Variants in METTL15 observed in about 807,000 individuals in gnomAD.
The protein encoded by METTL15 is 12S rRNA N(4)-cytidine methyltransferase METTL15.
Under a neutral mutation model 38.3 loss-of-function variants are expected in METTL15, and 34 were observed. The observed-to-expected ratio is 0.89, with a 90% CI of 0.68 to 1.18. The LOEUF is 1.18. Among genes scored for constraint, METTL15 ranks in the 50% most tolerant of loss-of-function variants. The pLI, the probability that METTL15 is intolerant of heterozygous loss-of-function variation, is 0.00. For synonymous variants in METTL15, 162 were observed against 170.9 expected (o/e 0.95, Z 0.41); for missense variants, 438 against 498.4 (o/e 0.88, Z 1.15).
At chr11:28,375,035 A>G (rs1009813742) in intron 5 of METTL15, among the ~76,000 whole-genome samples, 1 of 150,386 alleles carries the variant, frequency 6.6e-6, no homozygotes, top group Admixed American at 6.6e-5. Flanking sequence ...CATGGTGGAT[A>G]AGCTTTTTGA....
intron 3 of METTL15, among the ~76,000 whole-genome samples, chr11:28,131,277 T>A: frequency 6.6e-6 from 1 of 152,166 alleles, no homozygotes; most frequent in East Asian, 1.9e-4. Context: ...TGAAATAAAA[T>A]TGCCATGAGG....
chr11:28,254,176 C>T (rs1304134041), intron 4 of METTL15, among the ~76,000 whole-genome samples: 1 of 152,168 alleles, frequency 6.6e-6, no homozygotes, highest in East Asian at 1.9e-4. Flanking sequence ...ACCATTTCAA[C>T]TGGAGTGAGA....
intron 3 of METTL15, among the ~76,000 whole-genome samples, chr11:28,178,286 A>C (rs1851152084): frequency 6.6e-6 from 1 of 151,970 alleles, no homozygotes; most frequent in African/African-American, 2.4e-5. Context: ...TAAGTAAACA[A>C]AACCTGTTTA....
chr11:28,440,085 A>G (rs1851021151), intron 6 of METTL15, among the ~76,000 whole-genome samples: 1 of 152,180 alleles, frequency 6.6e-6, no homozygotes, highest in South Asian at 2.1e-4. Context: ...AGGAGGGAGT[A>G]CGGCTGTGTT....
intron 6 of METTL15, among the ~76,000 whole-genome samples, chr11:28,453,191 T>C (rs535600294): frequency 6.6e-6 from 1 of 152,342 alleles, no homozygotes; most frequent in South Asian, 2.1e-4. Context: ...ATATTGTGTA[T>C]GTAGCAACTT....
chr11:28,250,844 C>T (rs1465657148), intron 4 of METTL15, among the ~76,000 whole-genome samples: 2 of 152,008 alleles, frequency 1.3e-5, no homozygotes, highest in East Asian at 3.9e-4. Context: ...TTCTGCATCA[C>T]TAATAAAATA....
At chr11:28,475,831 G>T (rs775340708) in intron 6 of METTL15, among the ~76,000 whole-genome samples, 24 of 152,130 alleles carry the variant, frequency 1.6e-4, no homozygotes, top group Non-Finnish European at 3.1e-4. Context: ...ATAAAACTTA[G>T]TTCCACAGAA....
intron 6 of METTL15, among the ~76,000 whole-genome samples, chr11:28,449,323 T>G (rs1006745968): frequency 2.6e-5 from 4 of 152,180 alleles, no homozygotes; most frequent in African/African-American, 7.2e-5. Flanking sequence ...TTACCTTAAA[T>G]AACTAGAACA....
intron 3 of METTL15, among the ~76,000 whole-genome samples, chr11:28,123,516 C>G (rs758300938): frequency 2.6e-5 from 4 of 152,072 alleles, no homozygotes; most frequent in Non-Finnish European, 2.9e-5. Flanking sequence ...TGTAAACTCT[C>G]TTTTTTCCTT....
At chr11:28,320,394 A>G (rs1849424634) in intron 6 of METTL15, among the ~76,000 whole-genome samples, 1 of 151,960 alleles carries the variant, frequency 6.6e-6, no homozygotes, top group Non-Finnish European at 1.5e-5. Flanking sequence ...CCCTATCTCT[A>G]CACAAAAATT....
chr11:28,342,412 G>A (rs1208752099), intron 3 of METTL15, among the ~76,000 whole-genome samples: 1 of 151,880 alleles, frequency 6.6e-6, no homozygotes, highest in Non-Finnish European at 1.5e-5. Context: ...ACAGGTGTGT[G>A]GCACCAGGCT....
intron 6 of METTL15, among the ~76,000 whole-genome samples, chr11:28,424,851 G>A (rs1227552699): frequency 6.6e-6 from 1 of 152,056 alleles, no homozygotes; most frequent in Non-Finnish European, 1.5e-5. Flanking sequence ...TCTCTTCATT[G>A]AGCTTCAACC....
At chr11:28,116,763 AT>A (rs917823967) in intron 3 of METTL15, among the ~76,000 whole-genome samples, 16 of 151,820 alleles carry the variant, frequency 1.1e-4, no homozygotes, top group African/African-American at 2.7e-4. Flanking sequence ...TCTTTAAAAA[AT>A]TTTTTTTTAA....
chr11:28,191,794 C>T (rs1045516248), intron 3 of METTL15, among the ~76,000 whole-genome samples: 1 of 151,642 alleles, frequency 6.6e-6, no homozygotes. Context: ...CAGAAAAGAG[C>T]TTAGCATTGT....
At position 28,474,062 on chromosome 11, in the gene METTL15, G is replaced by A. The variant is rs1851324667; in HGVS notation, c.*424+49698G>A. On this transcript the variant is annotated intron_variant and NMD_transcript_variant, in intron 6 of 7. Coordinates refer to the METTL15 transcript ENST00000532947. Reference sequence around the variant, plus strand: ...CCCAGTAGCAGTGAGCACCAAGGCAGCTACTGCCTCATCTTGTACATGGAG... The same window carrying A: ...CCCAGTAGCAGTGAGCACCAAGGCAACTACTGCCTCATCTTGTACATGGAG... 2.0e-5 allele frequency among the ~76,000 whole-genome samples: 3 copies of A among 151,930 alleles called. No homozygotes were observed. The South Asian group carries it at 6.2e-4, about 32-fold the overall frequency.
chr11:28,417,494 A>G (rs1850783760), intron 5 of METTL15, among the ~76,000 whole-genome samples: 1 of 152,222 alleles, frequency 6.6e-6, no homozygotes, highest in South Asian at 2.1e-4. Context: ...TCAGATTGTT[A>G]GATTAGAATA....
intron 5 of METTL15, among the ~76,000 whole-genome samples, chr11:28,403,806 C>A (rs1850651059): frequency 6.6e-6 from 1 of 152,024 alleles, no homozygotes; most frequent in Non-Finnish European, 1.5e-5. Context: ...TATAACATAT[C>A]ATTAGGACAT....
chr11:28,232,972 G>C (rs1336383486), intron 4 of METTL15, among the ~76,000 whole-genome samples: 1 of 152,002 alleles, frequency 6.6e-6, no homozygotes, highest in Non-Finnish European at 1.5e-5. Context: ...ATAAGGACTA[G>C]TCTAAGCTTG....
intron 5 of METTL15, among the ~76,000 whole-genome samples, chr11:28,367,322 C>T (rs1384555613): frequency 6.6e-6 from 1 of 152,040 alleles, no homozygotes; most frequent in African/African-American, 2.4e-5. Flanking sequence ...CAGAAAACCT[C>T]TCTAATTAGG....
Sources: gnomAD v4.1 joint callset for allele counts (sites outside exome capture counted in the v4.1 genomes callset) on GRCh38, gnomAD v4.1.1 for gene constraint, MANE v1.5 for transcripts, NCBI Gene and HGNC (gene_info 2026-07-23, HGNC 2026-07-21) for gene names.